Variants in CASZ1 observed in about 807,000 individuals in gnomAD.
The protein encoded by CASZ1 is castor zinc finger 1.
In CASZ1, 28 loss-of-function variants were observed where a neutral mutation model predicts 135.2. That is an observed-to-expected ratio of 0.21 (90% CI 0.15 to 0.28). The LOEUF is 0.28. Ranked by LOEUF, CASZ1 falls within the 10% of genes least tolerant of loss-of-function variation. The pLI, the probability that CASZ1 is intolerant of heterozygous loss-of-function variation, is 1.00. For missense variants in CASZ1, 2,161 were observed against 2,453.3 expected (o/e 0.88, Z 2.52); for synonymous variants, 1,068 against 1,073.4 (o/e 0.99, Z 0.10).
chr1:10,665,155 C>T lies in CASZ1; in HGVS notation c.433G>A (p.Ala145Thr), dbSNP rs1643186248. ...HAEEPSKDGG[A>T]LEEKDSDGAA... is the part of the protein sequence containing the mutation. ...CCGTCCGAATCCTTCTCCTCCAGGG[C>T]ACCGCCGTCCTTGGAGGGCTCCTCC... Residue 145 changes from alanine to threonine, a missense_variant, in exon 5 of 21, where the codon GCC (alanine) becomes ACC (threonine). By Grantham distance (58) the Ala-to-Thr change is moderately conservative. Transcript: ENST00000377022. 1 of 1,543,410 alleles carries T rather than the reference C, an allele frequency of 6.5e-7. No homozygotes were observed. Among genetic ancestry groups the T allele is most frequent in the Non-Finnish European group, 8.8e-7 (1 of 1,142,386 alleles).
intron 4 of CASZ1, among the ~76,000 whole-genome samples, chr1:10,668,450 T>C (rs1292688087): frequency 6.6e-6 from 1 of 152,194 alleles, no homozygotes; most frequent in Non-Finnish European, 1.5e-5. Flanking sequence ...CTGGGAACAA[T>C]ACTGCCCAGG....
intron 2 of CASZ1, among the ~76,000 whole-genome samples, chr1:10,737,215 C>G (rs1639816686): frequency 6.6e-6 from 1 of 152,244 alleles, no homozygotes; most frequent in African/African-American, 2.4e-5. Context: ...TTCCCACAAC[C>G]TGCTGGCTGG....
At position 10,693,497 on chromosome 1, in the gene CASZ1, C is replaced by CAAAAA. The variant is rs1172496673; in HGVS notation, c.16+372_16+376dup. Among the ~76,000 whole-genome samples the CAAAAA allele has an allele frequency of 1.2e-3, 28 of 23,284 alleles. 4 individuals carry two copies. The highest frequency in any genetic ancestry group is 4.5e-3 in the African/African-American group (25 of 5,584). 15.3% of individuals were successfully genotyped at this position (23,284 alleles called of 152,430 possible). On this transcript the variant is annotated intron_variant, in intron 4 of 20. Transcript: ENST00000377022. ...GACACACAAAGATCTTTGCAGAGAACAAAAAAAAAAAAAAAAAAAAAAAAA... is the reference window on the plus strand; with the variant it reads ...GACACACAAAGATCTTTGCAGAGAACAAAAAAAAAAAAAAAAAAAAAAAAAAAAAA...
chr1:10,754,721 G>T (rs1289359475), intron 2 of CASZ1, among the ~76,000 whole-genome samples: 1 of 152,208 alleles, frequency 6.6e-6, no homozygotes, highest in African/African-American at 2.4e-5. Flanking sequence ...GAGCAGCACG[G>T]CGTGGGACTC....
In CASZ1 at chr1:10,785,288, C is replaced by A. The variant is rs1434027873; in HGVS notation, c.-234+11276G>T. Among the ~76,000 whole-genome samples, 3 of 148,640 alleles carry A rather than the reference C, an allele frequency of 2.0e-5. No homozygotes were observed. In the Admixed American group the frequency reaches 2.0e-4, roughly 10 times the overall value. On this transcript the variant is annotated intron_variant, in intron 1 of 20. Coordinates refer to ENST00000377022, the MANE Select transcript of CASZ1 (RefSeq NM_001079843.3). ...CTTTCTTCCTTCTTTCCTTTCCTTT[C>A]TCTTTCCTTCCCTCCCTCCCTTTCT...
intron 5 of CASZ1, among the ~76,000 whole-genome samples, chr1:10,664,667 C>T (rs1263844085): frequency 2.6e-5 from 4 of 152,044 alleles, no homozygotes; most frequent in Non-Finnish European, 5.9e-5. Context: ...CTCACAGGCT[C>T]ATGCCGTTGA....
In CASZ1 at chr1:10,647,965, G is replaced by A. The variant is rs754273821; in HGVS notation, c.3333C>T (p.Pro1111=). ...EGPAPSPASV[P]STPTLLAWKQ... The stretch of plus-strand genomic sequence containing the variant: ...TCCAGGCGAGCAGGGTGGGGGTGGA[G>A]GGCACGGAGGCCGGGCTGGGAGCGG... Residue 1111 remains proline (P), a synonymous_variant, in exon 16 of 21, where the codon CCC becomes CCT. Transcript: ENST00000377022. The surrounding 1 kb of genome is among the most constrained non-coding windows in gnomAD (Gnocchi z 4.9). 2.7e-5 allele frequency: 43 copies of A among 1,610,200 alleles called. No individual in the cohort carries two copies. The South Asian group carries it at 3.9e-4, about 14-fold the overall frequency.
Position 10,646,397 on chromosome 1 carries a change from T to C in CASZ1, c.3498-71A>G, listed in dbSNP as rs574064282. The C allele has an allele frequency of 4.0e-6, 6 of 1,493,822 alleles. No homozygotes were observed. The highest frequency in any genetic ancestry group is 1.2e-5 in the South Asian group (1 of 85,028). 92.5% of individuals were successfully genotyped at this position (1,493,822 alleles called of 1,614,324 possible). A position where few individuals can be genotyped will look rare whatever the true frequency, so the allele number is the denominator to read the frequency against. ...CTCCCTGCTGGTGTCCTGACTTCACTTGTGTTGGAGTTCACTCCCCCACGA... is the reference window on the plus strand; with the variant it reads ...CTCCCTGCTGGTGTCCTGACTTCACCTGTGTTGGAGTTCACTCCCCCACGA... On this transcript the variant is annotated intron_variant, in intron 16 of 20. Transcript: ENST00000377022. This position sits in a 1 kb window ranked among gnomAD's most constrained non-coding sequence, Gnocchi z 6.4.
Position 10,739,545 on chromosome 1 carries a change from GC to G in CASZ1, c.-77+21155del, listed in dbSNP as rs1464945489. Among the ~76,000 whole-genome samples, 4 of 152,278 alleles carry G rather than the reference GC, an allele frequency of 2.6e-5. No homozygotes were observed. In the East Asian group the frequency reaches 7.7e-4, roughly 29 times the overall value. ...TTTCCCTGAGCCCTCCGCCCCCCGG[GC>G]CCACTCCCCGTTCTCCCAGCCTTGC... On this transcript the variant is annotated intron_variant, in intron 2 of 20. Coordinates refer to ENST00000377022, the MANE Select transcript of CASZ1 (RefSeq NM_001079843.3). This position sits in a 1 kb window ranked among gnomAD's most constrained non-coding sequence, Gnocchi z 4.8.
At chr1:10,768,628 G>C (rs1159319824) in intron 1 of CASZ1, among the ~76,000 whole-genome samples, 2 of 152,212 alleles carry the variant, frequency 1.3e-5, no homozygotes, top group Non-Finnish European at 2.9e-5. Flanking sequence ...AGAGTGCTGG[G>C]GGGAGTGGCC....
intron 2 of CASZ1, among the ~76,000 whole-genome samples, chr1:10,730,425 C>T (rs988972820): frequency 9.2e-5 from 14 of 152,120 alleles, no homozygotes; most frequent in African/African-American, 3.1e-4. Context: ...TTTGAATATT[C>T]GGGGAGGATG....
Position 10,666,650 on chromosome 1 carries a change from G to C in CASZ1, c.17-1079C>G, listed in dbSNP as rs1343729336. ...GAAGGAAGCCCTCATGAGGCGACTTGAGAGCCAGCGACCTCCCTCGCGGCC... is the reference window on the plus strand; with the variant it reads ...GAAGGAAGCCCTCATGAGGCGACTTCAGAGCCAGCGACCTCCCTCGCGGCC... On this transcript the variant is annotated intron_variant, in intron 4 of 20. Coordinates refer to ENST00000377022, the MANE Select transcript of CASZ1 (RefSeq NM_001079843.3). The surrounding 1 kb of genome is among the most constrained non-coding windows in gnomAD (Gnocchi z 5.2). 6.6e-6 allele frequency among the ~76,000 whole-genome samples: 1 copy of C among 152,166 alleles called. No individual in the cohort carries two copies. The highest frequency in any genetic ancestry group is 1.5e-5 in the Non-Finnish European group (1 of 68,034).
intron 1 of CASZ1, among the ~76,000 whole-genome samples, chr1:10,779,553 A>AG (rs914047613): frequency 3.3e-5 from 5 of 151,940 alleles, no homozygotes; most frequent in Non-Finnish European, 5.9e-5. Context: ...TTTTAATCAT[A>AG]GGGGGGGAAT....
chr1:10,704,628 CGA>C (rs1639132910), intron 3 of CASZ1: 1 of 152,268 alleles, frequency 6.6e-6, no homozygotes, highest in Admixed American at 6.5e-5. Context: ...GCCCGAAACG[CGA>C]GAGACAAAGG....
At chr1:10,671,662 C>CCT (rs1310733605) in intron 4 of CASZ1, among the ~76,000 whole-genome samples, 29 of 152,322 alleles carry the variant, frequency 1.9e-4, no homozygotes, top group South Asian at 4.1e-4. Context: ...CAGGTGGGCA[C>CCT]TTGGCAGGGG....
rs1640683772 is a variant in CASZ1 at position 10,777,591 on chromosome 1, G to A, written c.-233-16734C>T. The stretch of plus-strand genomic sequence containing the variant: ...CTACTACAACGAGGGGGAAAGAAGC[G>A]ACACACAAAAACACAACCACACACA... On this transcript the variant is annotated intron_variant, in intron 1 of 20. Transcript: ENST00000377022. The surrounding 1 kb of genome is among the most constrained non-coding windows in gnomAD (Gnocchi z 4.4). Among the ~76,000 whole-genome samples the A allele has an allele frequency of 6.6e-6, 1 of 151,912 alleles. No homozygotes were observed. The highest frequency in any genetic ancestry group is 2.4e-5 in the African/African-American group (1 of 41,346).
rs375316064 is a variant in CASZ1 at position 10,639,910 on chromosome 1, C to T, written c.4312G>A (p.Asp1438Asn). 13 of 1,612,880 alleles carry T rather than the reference C, an allele frequency of 8.1e-6. No individual in the cohort carries two copies. Among genetic ancestry groups the T allele is most frequent in the Non-Finnish European group, 1.1e-5 (13 of 1,180,002 alleles). ...GMMLEGFRRFDLYEDCKDAAC... is the reference protein window; with the variant it reads ...GMMLEGFRRFNLYEDCKDAAC... ...GCGTCCTTGCAGTCCTCGTAAAGGT[C>T]GAAGCGCCGGAAGCCCTCCAGCATC... is the stretch of plus-strand genomic sequence containing the variant. Residue 1438 changes from aspartate (D) to asparagine (N), a missense_variant, in exon 21 of 21, where the codon GAC becomes AAC. This residue lies in a region of CASZ1 where 240 missense variants were observed against 321.4 expected (regional missense o/e 0.75). Coordinates refer to ENST00000377022, the MANE Select transcript of CASZ1 (RefSeq NM_001079843.3). The surrounding 1 kb of genome is among the most constrained non-coding windows in gnomAD (Gnocchi z 4.0).
In CASZ1 at chr1:10,727,601, A is replaced by C. The variant is rs1639620932; in HGVS notation, c.-76-22057T>G. 2.6e-5 allele frequency among the ~76,000 whole-genome samples: 4 copies of C among 152,260 alleles called. No homozygotes were observed. The South Asian group carries it at 8.3e-4, about 32-fold the overall frequency. On this transcript the variant is annotated intron_variant, in intron 2 of 20. Transcript: ENST00000377022. This position sits in a 1 kb window ranked among gnomAD's most constrained non-coding sequence, Gnocchi z 5.3. ...AGGTTCCTAGACTCCAAGAATGAGA[A>C]AACCCCTTTCCCAAGGTGCCAGGAG...
At chr1:10,753,791 C>T (rs575958998) in intron 2 of CASZ1, among the ~76,000 whole-genome samples, 12 of 152,140 alleles carry the variant, frequency 7.9e-5, no homozygotes, top group Non-Finnish European at 1.3e-4. Flanking sequence ...GGCACATATG[C>T]GACCTGTGAG....
Sources: gnomAD v4.1 joint callset for allele counts (sites outside exome capture counted in the v4.1 genomes callset) on GRCh38, gnomAD v4.1.1 for gene constraint, gnomAD v4.1.1 regional missense constraint, Gnocchi (gnomAD v3.1) non-coding constraint, MANE v1.5 for transcripts, NCBI Gene and HGNC (gene_info 2026-07-23, HGNC 2026-07-21) for gene names.